Variants in CLXN observed in about 807,000 individuals in gnomAD.
CLXN encodes EF-hand calcium binding domain 1.
At chr8:48,715,194 T>C in the CLXN span, 1 of 152,224 alleles carries the variant, frequency 6.6e-6, no homozygotes, top group Admixed American at 6.5e-5. Flanking sequence ...TTCCTAAATA[T>C]CTGAAATATT....
chr8:48,712,990 CAAAAA>C, the CLXN span, among the ~76,000 whole-genome samples: 6 of 99,550 alleles, frequency 6.0e-5, no homozygotes, highest in Admixed American at 9.9e-5. Context: ...ACTCCTCTGT[CAAAAA>C]AAAAAAAAAA....
the CLXN span, among the ~76,000 whole-genome samples, chr8:48,717,290 G>A: frequency 7.9e-5 from 12 of 152,176 alleles, no homozygotes; most frequent in Admixed American, 2.0e-4. Context: ...GCAAGAGAAA[G>A]GTGACATCAT....
the CLXN span, chr8:48,735,156 G>C: frequency 6.2e-7 from 1 of 1,614,020 alleles, no homozygotes; most frequent in Admixed American, 1.7e-5. Context: ...GTTCATGTCT[G>C]GCGCTCAGAG....
At chr8:48,723,307 T>C in the CLXN span, 1 of 152,160 alleles carries the variant, frequency 6.6e-6, no homozygotes, top group Non-Finnish European at 1.5e-5. Context: ...TAGAAAAGCA[T>C]TGTGTTGCAT....
chr8:48,729,973 ACAGGTCTTAGTGCAG>A, the CLXN span: 1 of 1,146,670 alleles, frequency 8.7e-7, no homozygotes, highest in African/African-American at 1.5e-5. Context: ...TGCTGTACCC[ACAGGTCTTAGTGCAG>A]CCTGATTTGC....
chr8:48,730,413 G>A, the CLXN span: 1 of 529,606 alleles, frequency 1.9e-6, no homozygotes, highest in East Asian at 3.2e-5. Flanking sequence ...TAGGTTAGTG[G>A]GATTCAAACC....
the CLXN span, among the ~76,000 whole-genome samples, chr8:48,733,517 T>C: frequency 1.3e-5 from 2 of 152,224 alleles, no homozygotes; most frequent in Admixed American, 6.5e-5. Flanking sequence ...AATTTATCCA[T>C]TGAATCTTGA....
At chr8:48,722,667 G>C in the CLXN span, among the ~76,000 whole-genome samples, 5 of 151,958 alleles carry the variant, frequency 3.3e-5, no homozygotes, top group African/African-American at 7.3e-5. Context: ...GGTTGCCAAA[G>C]CCCCTCTCTG....
chr8:48,734,202 C>A, the CLXN span, among the ~76,000 whole-genome samples: 1 of 152,052 alleles, frequency 6.6e-6, no homozygotes, highest in African/African-American at 2.4e-5. Flanking sequence ...CTTTTTTGAG[C>A]GACTCGGTTA....
At chr8:48,712,607 G>A in the CLXN span, among the ~76,000 whole-genome samples, 12 of 152,226 alleles carry the variant, frequency 7.9e-5, no homozygotes, top group African/African-American at 2.9e-4. Context: ...CTGCTGCCTG[G>A]GCAGTGATGC....
At chr8:48,716,836 C>T in the CLXN span, among the ~76,000 whole-genome samples, 1 of 151,340 alleles carries the variant, frequency 6.6e-6, no homozygotes, top group East Asian at 1.9e-4. Flanking sequence ...ATCAAGTGAA[C>T]CAATATATGC....
chr8:48,718,313 A>T, the CLXN span, among the ~76,000 whole-genome samples: 6 of 152,278 alleles, frequency 3.9e-5, no homozygotes, highest in South Asian at 1.0e-3. Context: ...GAGCACCTAA[A>T]GTATATAAAG....
the CLXN span, among the ~76,000 whole-genome samples, chr8:48,720,743 C>T: frequency 1.3e-5 from 2 of 152,012 alleles, no homozygotes; most frequent in African/African-American, 4.8e-5. Flanking sequence ...GATTTTGTAC[C>T]TACTCCCTAT....
chr8:48,711,325 T>C, the CLXN span: 1 of 152,256 alleles, frequency 6.6e-6, no homozygotes, highest in Non-Finnish European at 1.5e-5. Context: ...GCTTCCACCA[T>C]TCTCCTCACA....
At chr8:48,716,929 G>A in the CLXN span, among the ~76,000 whole-genome samples, 1 of 152,152 alleles carries the variant, frequency 6.6e-6, no homozygotes, top group African/African-American at 2.4e-5. Flanking sequence ...CCAAATCTTG[G>A]GAGAGAAATG....
At chr8:48,714,072 T>C in the CLXN span, 2 of 152,230 alleles carry the variant, frequency 1.3e-5, no homozygotes, top group African/African-American at 4.8e-5. Context: ...TCATCCACAG[T>C]CCTAACCCAC....
At chr8:48,734,052 C>T in the CLXN span, among the ~76,000 whole-genome samples, 13 of 152,018 alleles carry the variant, frequency 8.6e-5, no homozygotes, top group Admixed American at 6.6e-4. Context: ...TTTTAAGATG[C>T]GTACACACAC....
At chr8:48,719,961 C>T in the CLXN span, among the ~76,000 whole-genome samples, 39 of 151,954 alleles carry the variant, frequency 2.6e-4, no homozygotes, top group African/African-American at 9.2e-4. Flanking sequence ...TCAGGGACCC[C>T]GAATGGAGGG....
the CLXN span, among the ~76,000 whole-genome samples, chr8:48,712,990 C>CAAAAAAAAAAAA: frequency 1.0e-5 from 1 of 99,554 alleles, no homozygotes; most frequent in African/African-American, 4.7e-5. Context: ...ACTCCTCTGT[C>CAAAAAAAAAAAA]AAAAAAAAAA....
Sources: allele counts gnomAD v4.1 joint callset (sites outside exome capture counted in the v4.1 genomes callset), GRCh38; gene constraint gnomAD v4.1.1; transcripts MANE v1.5; gene names NCBI Gene and HGNC (gene_info 2026-07-23, HGNC 2026-07-21).